The following LTBP4 variants were observed in gnomAD, a reference collection of about 807,000 sequenced individuals.
LTBP4 encodes the protein latent transforming growth factor beta binding protein 4.
In LTBP4, 93 loss-of-function variants were observed where a neutral mutation model predicts 180.2. The observed-to-expected ratio is 0.52, with a 90% CI of 0.44 to 0.61. The LOEUF is 0.61. Among genes scored for constraint, LTBP4 ranks in the 20% least tolerant of loss-of-function variants. The probability of loss-of-function intolerance (pLI) is 0.00; values close to 1 mark genes in which losing one functional copy is unlikely to be tolerated. For missense variants in LTBP4, 2,116 were observed against 2,256.5 expected (o/e 0.94, Z 1.26); for synonymous variants, 947 against 934.5 (o/e 1.01, Z -0.24).
chr19:40,609,853 C>T lies in LTBP4; in HGVS notation c.1666C>T (p.Arg556Trp), dbSNP rs376506632. Residue 556 changes from arginine to tryptophan, a missense_variant, in exon 11 of 30, where the codon CGG becomes TGG. Coordinates refer to ENST00000396819, the MANE Select transcript of LTBP4 (RefSeq NM_001042545.2). This position sits in a 1 kb window ranked among gnomAD's most constrained non-coding sequence, Gnocchi z 4.9. ...VCGPGFRAGP[R>W]AAECLDVDEC... ...CGGCCCGGGCTTCCGAGCCGGCCCA[C>T]GGGCTGCGGAATGCCTGGGTGAGAA... is the stretch of plus-strand genomic sequence containing the variant. 1.9e-6 allele frequency: 3 copies of T among 1,586,274 alleles called. No individual in the cohort carries two copies. Among genetic ancestry groups the T allele is most frequent in the South Asian group, 1.1e-5 (1 of 88,454 alleles).
At chr19:40,594,123 G>T (rs1329993972) in intron 1 of LTBP4, among the ~76,000 whole-genome samples, 1 of 151,962 alleles carries the variant, frequency 6.6e-6, no homozygotes, top group African/African-American at 2.4e-5. Context: ...GGGAGAGAGA[G>T]AGAGGGAGAG....
In LTBP4 at chr19:40,614,753, T is replaced by G. The variant is rs977345877; in HGVS notation, c.2812+307T>G. On this transcript the variant is annotated intron_variant, in intron 19 of 29. Transcript: ENST00000396819. Reference sequence around the variant, plus strand: ...AACTGTTAGGCCCCGCCCCTTCCAATCGGCCTCTGGATTAAAACCCCCTCT... The same window carrying G: ...AACTGTTAGGCCCCGCCCCTTCCAAGCGGCCTCTGGATTAAAACCCCCTCT... 3.3e-5 allele frequency among the ~76,000 whole-genome samples: 5 copies of G among 151,846 alleles called. No homozygotes were observed. In the East Asian group the frequency reaches 5.8e-4, roughly 18 times the overall value.
In LTBP4 at chr19:40,601,617, G is replaced by A. The variant is rs1361065171; in HGVS notation, c.230G>A (p.Gly77Glu). ...DSGAPGGAAP[G>E]GPGFRAFLCP... ...GGCGCTCCCGGCGGGGCGGCCCCGGGGGGACCCGGCTTCCGCGCCTGTGAG... is the reference window on the plus strand; with the variant it reads ...GGCGCTCCCGGCGGGGCGGCCCCGGAGGGACCCGGCTTCCGCGCCTGTGAG... Residue 77 changes from glycine to glutamate, a missense_variant, in exon 1 of 30, where the codon GGG becomes GAG. Physicochemically the swap from Gly to Glu is moderately conservative, Grantham distance 98 (BLOSUM62 -2). This residue lies in a region of LTBP4 where 469 missense variants were observed against 532.5 expected (regional missense o/e 0.88). Transcript: ENST00000396819. 1.5e-6 allele frequency: 2 copies of A among 1,378,532 alleles called. No individual in the cohort carries two copies. Among genetic ancestry groups the A allele is most frequent in the South Asian group, 1.7e-5 (1 of 60,352 alleles). The allele number at this position is 1,378,532 out of a possible 1,614,324, so 85.4% of individuals were successfully genotyped here.
chr19:40,627,805 C>T lies in LTBP4; in HGVS notation c.4467C>T (p.Thr1489=), dbSNP rs1385029853. ...GCGTGCGCGTCCCCGAAGGCTTCAC[C>T]TGCCGTTGCTTCGACGGCTACCGCC... ...GRCVRVPEGF[T]CRCFDGYRLD... is the part of the protein sequence containing the mutation. Residue 1489 remains threonine, a synonymous_variant, in exon 29 of 30, where the codon ACC becomes ACT. Coordinates refer to ENST00000396819, the MANE Select transcript of LTBP4 (RefSeq NM_001042545.2). 6.4e-7 allele frequency: 1 copy of T among 1,572,782 alleles called. No homozygotes were observed.
rs767092809 is a variant in LTBP4, at chr19:40,608,316, G to A, written c.1253G>A (p.Arg418Gln). The A allele has an allele frequency of 8.7e-6, 14 of 1,613,590 alleles. No individual in the cohort carries two copies. The highest frequency in any genetic ancestry group is 1.3e-5 in the African/African-American group (1 of 74,924). The change falls in exon 8 of 30, where the codon CGA (arginine) becomes CAA (glutamine). Residue 418 changes from arginine (R) to glutamine (Q), a missense_variant. Around this residue, in one of 5 missense-constraint regions of LTBP4, gnomAD observed 877 missense variants for 873.6 expected, o/e 1.00. Transcript: ENST00000396819. ...NTRPLGQEPP[R>Q]VSLSQPRTLP... ...AGACCCCTGGGCCAGGAGCCACCCCGAGTGTCACTCAGCCAGCCTCGTACC... is the reference window on the plus strand; with the variant it reads ...AGACCCCTGGGCCAGGAGCCACCCCAAGTGTCACTCAGCCAGCCTCGTACC...
At chr19:40,623,473 C>G (rs2081601500) in intron 24 of LTBP4, 131 bp from the exon 25 acceptor site, 1 of 1,185,482 alleles carries the variant, frequency 8.4e-7, no homozygotes, top group Admixed American at 2.3e-5. Context: ...CCGCTCCTGG[C>G]CTCTCCATCT....
chr19:40,629,703 C>A lies in LTBP4; in HGVS notation c.*153C>A. 1.4e-6 allele frequency: 1 copy of A among 731,868 alleles called. No homozygotes were observed. The highest frequency in any genetic ancestry group is 1.9e-6 in the Non-Finnish European group (1 of 533,176). 45.3% of individuals were successfully genotyped at this position (731,868 alleles called of 1,614,324 possible). A position where few individuals can be genotyped will look rare whatever the true frequency, so the allele number is the denominator to read the frequency against. ...CTGGAAGCTGCGACGCCCTGCACTG[C>A]TCCCGCCTCCACCAGCGCCTCCCAC... On this transcript the variant is annotated 3_prime_UTR_variant, in exon 30 of 30. Coordinates refer to ENST00000396819, the MANE Select transcript of LTBP4 (RefSeq NM_001042545.2). The surrounding 1 kb of genome is among the most constrained non-coding windows in gnomAD (Gnocchi z 4.5).
intron 29 of LTBP4, among the ~76,000 whole-genome samples, chr19:40,628,468 C>T (rs1008873196): frequency 6.6e-6 from 1 of 152,080 alleles, no homozygotes; most frequent in Non-Finnish European, 1.5e-5. Flanking sequence ...GAGCCAAGAT[C>T]GCGCCATTGC....
At chr19:40,621,067 G>C (rs1338529818) in intron 22 of LTBP4, among the ~76,000 whole-genome samples, 1 of 151,848 alleles carries the variant, frequency 6.6e-6, no homozygotes, top group African/African-American at 2.4e-5. Context: ...TCAGCCTCCT[G>C]AGTAGCTGGG....
At position 40,613,685 on chromosome 19, in the gene LTBP4, G is replaced by C. The variant is rs1448335936; in HGVS notation, c.2557+156G>C. On this transcript the variant is annotated intron_variant, in intron 17 of 29. Coordinates refer to ENST00000396819, the MANE Select transcript of LTBP4 (RefSeq NM_001042545.2). The surrounding 1 kb of genome is among the most constrained non-coding windows in gnomAD (Gnocchi z 5.0). ...CTGGTGGGAGTCTCGAGGCAGTGAG[G>C]GGGGGCGGGGCGTGGAGATGAAAGG... 2.2e-5 allele frequency: 29 copies of C among 1,295,204 alleles called. No homozygotes were observed. The highest frequency in any genetic ancestry group is 7.6e-5 in the East Asian group (3 of 39,510). The allele number at this position is 1,295,204 out of a possible 1,614,324, so 80.2% of individuals were successfully genotyped here.
In LTBP4 at chr19:40,601,524, T is replaced by G. The variant is rs1354200748; in HGVS notation, c.137T>G (p.Val46Gly). 8.7e-6 allele frequency: 13 copies of G among 1,494,150 alleles called. No homozygotes were observed. The highest frequency in any genetic ancestry group is 9.7e-6 in the Non-Finnish European group (11 of 1,128,882). The allele number at this position is 1,494,150 out of a possible 1,614,324, so 92.6% of individuals were successfully genotyped here. Residue 46 changes from valine to glycine, a missense_variant, in exon 1 of 30, where the codon GTC becomes GGC. Transcript: ENST00000396819. ...FTPVVCGLRC[V>G]HGPTGSRCTP... ...CCGGTCGTGTGCGGCCTGCGCTGCG[T>G]CCATGGGCCGACCGGCTCCCGCTGT...
rs764742249 is a variant in LTBP4, at chr19:40,627,194, C to G, written c.4205C>G (p.Pro1402Arg). 6.2e-7 allele frequency: 1 copy of G among 1,611,978 alleles called. No individual in the cohort carries two copies. The highest frequency in any genetic ancestry group is 8.5e-7 in the Non-Finnish European group (1 of 1,179,232). The change falls in exon 28 of 30, where the codon CCC becomes CGC. Residue 1402 changes from proline (P) to arginine (R), a missense_variant. This residue lies in a region of LTBP4 where 488 missense variants were observed against 458.8 expected (regional missense o/e 1.06). Coordinates refer to ENST00000396819, the MANE Select transcript of LTBP4 (RefSeq NM_001042545.2). ...FARREAPYGA[P>R]RFDMPDFEDD... is the part of the protein sequence containing the mutation. ...CGCCGGGAGGCTCCTTATGGGGCAC[C>G]CCGCTTCGACATGCCAGACTTTGAG...
At chr19:40,618,207 A>C (rs117842713) in intron 21 of LTBP4, among the ~76,000 whole-genome samples, 2,321 of 151,516 alleles carry the variant, frequency 0.015, 18 homozygotes, top group Non-Finnish European at 0.019. Context: ...AGCTGCTACC[A>C]CAGGCACACG....
chr19:40,597,326 GC>G, upstream of LTBP4: 1 of 1,524,222 alleles, frequency 6.6e-7, no homozygotes, highest in Non-Finnish European at 8.8e-7. Context: ...GCCAGCCCCA[GC>G]CCCAGCCCCA....
chr19:40,602,218 C>G (rs1176804883), intron 1 of LTBP4, among the ~76,000 whole-genome samples: 1 of 148,610 alleles, frequency 6.7e-6, no homozygotes, highest in Non-Finnish European at 1.5e-5. Context: ...CTCCGCAGGA[C>G]CTGAGTTGCA....
At chr19:40,612,982 C>A in intron 15 of LTBP4, 83 bp from the exon 16 acceptor site, 1 of 1,430,998 alleles carries the variant, frequency 7.0e-7, no homozygotes, top group Non-Finnish European at 9.6e-7. Context: ...TTCCCACCAC[C>A]TCCCCCAGAC....
At chr19:40,600,683 A>G (rs2146014508), upstream of LTBP4, among the ~76,000 whole-genome samples, 2 of 152,130 alleles carry the variant, frequency 1.3e-5, no homozygotes, top group East Asian at 3.9e-4. The surrounding 1 kb of genome is among the most constrained non-coding windows in gnomAD (Gnocchi z 4.4). Context: ...CCTTCAGCCC[A>G]GATGTGACCC....
chr19:40,605,407 G>A lies in LTBP4; in HGVS notation c.445G>A (p.Val149Met). The A allele has an allele frequency of 6.2e-7, 1 of 1,612,878 alleles. No homozygotes were observed. The highest frequency in any genetic ancestry group is 8.5e-7 in the Non-Finnish European group (1 of 1,179,846). ...TTGCCCGGCCGTGCCTCCCCTAGGC[G>A]TGGCATCTATGGTGAGCGTCCACGT... ...LANHRDDEHG[V>M]ASMVSVHVEH... The change falls in exon 3 of 30, where the codon GTG (valine) becomes ATG (methionine). Residue 149 changes from valine (V) to methionine (M), a missense_variant and splice_region_variant. By Grantham distance (21) the Val-to-Met change is conservative. Transcript: ENST00000396819. The surrounding 1 kb of genome is among the most constrained non-coding windows in gnomAD (Gnocchi z 5.5).
At chr19:40,623,103 T>C (rs2081598219) in intron 24 of LTBP4, 82 bp downstream of exon 24, 2 of 1,046,160 alleles carry the variant, frequency 1.9e-6, no homozygotes, top group Non-Finnish European at 2.7e-6. Context: ...CCTCTGTCTC[T>C]CACCCTTTCT....
Sources: allele counts gnomAD v4.1 joint callset (sites outside exome capture counted in the v4.1 genomes callset), GRCh38; gene constraint gnomAD v4.1.1; regional missense constraint gnomAD v4.1.1; non-coding constraint Gnocchi (gnomAD v3.1); transcripts MANE v1.5; gene names NCBI Gene and HGNC (gene_info 2026-07-23, HGNC 2026-07-21).